The following XKR4 variants were observed in gnomAD, a reference collection of about 807,000 sequenced individuals.
XKR4 encodes the protein XK related 4.
In XKR4, 12 loss-of-function variants were observed where a neutral mutation model predicts 53.9. The ratio of observed to expected loss-of-function variants is 0.22; its 90% CI spans 0.14 to 0.36. XKR4 has a LOEUF of 0.36. Among genes scored for constraint, XKR4 ranks in the 10% least tolerant of loss-of-function variants. The pLI, the probability that XKR4 is intolerant of heterozygous loss-of-function variation, is 1.00. For missense variants in XKR4, 799 were observed against 859.5 expected, an observed-to-expected ratio of 0.93 and a Z score of 0.88; for synonymous variants, 354 against 362.4, an observed-to-expected ratio of 0.98 and a Z score of 0.26.
intron 1 of XKR4, among the ~76,000 whole-genome samples, chr8:55,351,665 T>C (rs1226628452): frequency 6.6e-6 from 1 of 152,236 alleles, no homozygotes; most frequent in East Asian, 1.9e-4. Context: ...CTGTCTGTGC[T>C]TTCTTCACAA....
At chr8:55,474,944 C>G (rs1805956479) in intron 2 of XKR4, among the ~76,000 whole-genome samples, 1 of 152,154 alleles carries the variant, frequency 6.6e-6, no homozygotes, top group Non-Finnish European at 1.5e-5. Flanking sequence ...GAGCAAGGAA[C>G]TGTTCCAGAA....
In XKR4 at chr8:55,536,966, T is replaced by C. The variant is rs1807039777; in HGVS notation, c.*12739T>C. The C allele has an allele frequency of 6.6e-6, 1 of 152,264 alleles. No individual in the cohort carries two copies. The highest frequency in any genetic ancestry group is 1.5e-5 in the Non-Finnish European group (1 of 68,050). The allele number at this position is 152,264 out of a possible 1,614,324, so 9.4% of individuals were successfully genotyped here. A position where few individuals can be genotyped will look rare whatever the true frequency, so the allele number is the denominator to read the frequency against. Reference sequence around the variant, plus strand: ...AAATACAAGTTTCTTAAGTTTTTATTCTTCAAATAGAAGTTTTAATTTTAA... The same window carrying C: ...AAATACAAGTTTCTTAAGTTTTTATCCTTCAAATAGAAGTTTTAATTTTAA... On this transcript the variant is annotated 3_prime_UTR_variant, in exon 3 of 3. Transcript: ENST00000327381.
At chr8:55,166,235 C>T (rs1817064234) in intron 1 of XKR4, among the ~76,000 whole-genome samples, 1 of 152,132 alleles carries the variant, frequency 6.6e-6, no homozygotes, top group Non-Finnish European at 1.5e-5. Flanking sequence ...AAGGTATATT[C>T]TTTTCTTTTG....
chr8:55,208,482 C>CT (rs201210148), intron 1 of XKR4, among the ~76,000 whole-genome samples: 1,823 of 148,330 alleles, frequency 0.012, 20 homozygotes, highest in Middle Eastern at 0.035. Flanking sequence ...TTTTTCTTTT[C>CT]TTTTTTTTTT....
chr8:55,463,447 A>G (rs1162902124), intron 2 of XKR4, among the ~76,000 whole-genome samples: 1 of 151,552 alleles, frequency 6.6e-6, no homozygotes, highest in Non-Finnish European at 1.5e-5. Flanking sequence ...GACACAACAT[A>G]CCAGAATCTC....
intron 1 of XKR4, among the ~76,000 whole-genome samples, chr8:55,178,624 G>A (rs1817265534): frequency 6.6e-6 from 1 of 152,148 alleles, no homozygotes; most frequent in African/African-American, 2.4e-5. Context: ...AGACCCCTGA[G>A]CTGACCATCA....
intron 1 of XKR4, chr8:55,135,710 C>G (rs1391379409): frequency 4.4e-6 from 2 of 451,532 alleles, no homozygotes; most frequent in African/African-American, 4.0e-5. Context: ...ATGCCCATTA[C>G]ACCTTGTACA....
Position 55,340,022 on chromosome 8 carries a change from A to C in XKR4, c.807-17656A>C, listed in dbSNP as rs75584414. Among the ~76,000 whole-genome samples, 1,352 of 152,310 alleles carry C rather than the reference A, an allele frequency of 8.9e-3. 26 individuals are homozygous for C. Among genetic ancestry groups the C allele is most frequent in the African/African-American group, 0.03 (1,243 of 41,564 alleles). ...ACATATAACTTCAGTTCATAAATGA[A>C]CAGAATGGTTCAAATTATATCCTAA... On this transcript the variant is annotated intron_variant, in intron 1 of 2. Coordinates refer to ENST00000327381, the MANE Select transcript of XKR4 (RefSeq NM_052898.2).
At chr8:55,164,813 C>T (rs1354815543) in intron 1 of XKR4, 1 of 184,854 alleles carries the variant, frequency 5.4e-6, no homozygotes, top group East Asian at 1.3e-4. Context: ...CACACACACA[C>T]ACGTTCAGCA....
intron 1 of XKR4, among the ~76,000 whole-genome samples, chr8:55,281,924 A>C (rs143367772): frequency 7.2e-5 from 11 of 152,196 alleles, no homozygotes; most frequent in Non-Finnish European, 1.3e-4. Flanking sequence ...AAATTGGCAA[A>C]GTAACTGTAG....
chr8:55,223,475 C>T (rs1817912611), intron 1 of XKR4, among the ~76,000 whole-genome samples: 2 of 152,192 alleles, frequency 1.3e-5, no homozygotes, highest in South Asian at 4.1e-4. Context: ...AGACATTTGA[C>T]ACTTTAAGAA....
intron 1 of XKR4, among the ~76,000 whole-genome samples, chr8:55,355,215 A>G (rs970322405): frequency 2.6e-5 from 4 of 151,912 alleles, no homozygotes; most frequent in Admixed American, 6.6e-5. Flanking sequence ...AGAATTTTAT[A>G]TTTAAAAAAA....
intron 1 of XKR4, among the ~76,000 whole-genome samples, chr8:55,202,138 A>G (rs1311436928): frequency 1.3e-5 from 2 of 152,210 alleles, no homozygotes; most frequent in African/African-American, 4.8e-5. Context: ...AAATCCTAAC[A>G]AGGAAGTTGG....
At chr8:55,459,576 A>G (rs1046431902) in intron 2 of XKR4, among the ~76,000 whole-genome samples, 4 of 152,172 alleles carry the variant, frequency 2.6e-5, no homozygotes, top group Non-Finnish European at 5.9e-5. Context: ...TTACAACTCA[A>G]TAATATAACA....
chr8:55,313,869 A>T (rs10095174), intron 1 of XKR4, among the ~76,000 whole-genome samples: 76,220 of 151,936 alleles, frequency 0.5, 22,438 homozygotes, highest in African/African-American at 0.81. Context: ...AGGTGAGGTA[A>T]TTCACCAAGT....
intron 2 of XKR4, among the ~76,000 whole-genome samples, chr8:55,468,973 C>T (rs965022987): frequency 1.4e-4 from 21 of 152,106 alleles, no homozygotes; most frequent in South Asian, 2.1e-4. Flanking sequence ...TGCTATCCCT[C>T]TCGAACTACT....
intron 1 of XKR4, among the ~76,000 whole-genome samples, chr8:55,329,979 A>G (rs919976686): frequency 6.6e-6 from 1 of 152,178 alleles, no homozygotes; most frequent in African/African-American, 2.4e-5. Flanking sequence ...ATAATAACTA[A>G]TTCTCAGGGT....
intron 2 of XKR4, among the ~76,000 whole-genome samples, chr8:55,373,392 C>T (rs1804100798): frequency 6.6e-6 from 1 of 152,180 alleles, no homozygotes; most frequent in Admixed American, 6.5e-5. Context: ...GTCTCAAACT[C>T]CTGACCTCAA....
intron 2 of XKR4, chr8:55,454,564 GC>G: frequency 1.4e-6 from 2 of 1,441,434 alleles, no homozygotes; most frequent in Non-Finnish European, 1.9e-6. Context: ...CAGGGAGTCG[GC>G]CAGTGGAGTC....
Sources: gnomAD v4.1 joint callset for allele counts (sites outside exome capture counted in the v4.1 genomes callset) on GRCh38, gnomAD v4.1.1 for gene constraint, MANE v1.5 for transcripts, NCBI Gene and HGNC (gene_info 2026-07-23, HGNC 2026-07-21) for gene names.